The following TWSG1 variants were observed in gnomAD, a reference collection of about 807,000 sequenced individuals.
TWSG1 encodes twisted gastrulation protein homolog 1.
Under a neutral mutation model 23.0 loss-of-function variants are expected in TWSG1, and 15 were observed. That is an observed-to-expected ratio of 0.65 (90% CI 0.44 to 1.00). The LOEUF is 1.00. Among genes scored for constraint, TWSG1 ranks in the 50% least tolerant of loss-of-function variants. TWSG1 has a pLI of 0.00. For missense variants in TWSG1, 242 were observed against 278.7 expected, an observed-to-expected ratio of 0.87 and a Z score of 0.94; for synonymous variants, 86 against 92.8, an observed-to-expected ratio of 0.93 and a Z score of 0.42.
intron 3 of TWSG1, among the ~76,000 whole-genome samples, chr18:9,370,316 A>T (rs534489700): frequency 3.3e-5 from 3 of 89,652 alleles, no homozygotes; most frequent in Non-Finnish European, 7.3e-5. Context: ...GACTCCATCT[A>T]AAAAAAAAAA....
At chr18:9,336,045 G>T (rs1294202947) in intron 1 of TWSG1, among the ~76,000 whole-genome samples, 1 of 151,984 alleles carries the variant, frequency 6.6e-6, no homozygotes, top group Non-Finnish European at 1.5e-5. Context: ...TCTTCTTTTT[G>T]AACTGTAGTA....
intron 3 of TWSG1, among the ~76,000 whole-genome samples, chr18:9,382,511 A>G (rs1232952593): frequency 1.3e-5 from 2 of 151,118 alleles, no homozygotes; most frequent in Admixed American, 1.3e-4. Flanking sequence ...TGACAGAGTG[A>G]GACTCTGTCT....
At position 9,334,865 on chromosome 18, in the gene TWSG1, T is replaced by C. The variant is rs2040413520; in HGVS notation, c.-93T>C. The C allele has an allele frequency of 6.7e-6, 1 of 149,792 alleles. No homozygotes were observed. The highest frequency in any genetic ancestry group is 2.5e-5 in the African/African-American group (1 of 40,136). 9.3% of individuals were successfully genotyped at this position (149,792 alleles called of 1,614,324 possible). A position where few individuals can be genotyped will look rare whatever the true frequency, so the allele number is the denominator to read the frequency against. On this transcript the variant is annotated 5_prime_UTR_variant, in exon 1 of 5. Coordinates refer to ENST00000262120, the MANE Select transcript of TWSG1 (RefSeq NM_020648.6). The surrounding 1 kb of genome is among the most constrained non-coding windows in gnomAD (Gnocchi z 4.7). ...AAAGCCGCCGCAGCGCGCCCCGGGC[T>C]CGGCCGACCCGGCGGGGATCTAGGG...
Position 9,399,389 on chromosome 18 carries a change from A to C in TWSG1, c.534A>C (p.Ile178=), listed in dbSNP as rs1488437052. The C allele has an allele frequency of 1.2e-6, 2 of 1,613,634 alleles. No individual in the cohort carries two copies. Among genetic ancestry groups the C allele is most frequent in the Non-Finnish European group, 1.7e-6 (2 of 1,179,918 alleles). Residue 178 remains isoleucine, a synonymous_variant, in exon 5 of 5, where the codon ATA becomes ATC. Coordinates refer to ENST00000262120, the MANE Select transcript of TWSG1 (RefSeq NM_020648.6). ...TVVYFDDCMS[I]HQCKISCESM... ...TTTATTTTGATGACTGCATGTCCAT[A>C]CATCAGTGTAAAATATCCTGTGAGT...
chr18:9,337,196 C>T lies in TWSG1; in HGVS notation c.-34C>T, dbSNP rs1292992599. The T allele has an allele frequency of 1.9e-6, 3 of 1,604,792 alleles. No homozygotes were observed. The African/African-American group carries it at 4.0e-5, about 21-fold the overall frequency. On this transcript the variant is annotated 5_prime_UTR_variant, in exon 2 of 5. Coordinates refer to ENST00000262120, the MANE Select transcript of TWSG1 (RefSeq NM_020648.6). ...AAAGTTGTGTTTGTTTGTTTAGTTT[C>T]CTGGGAGTTACTGATCATCTTCTTT... is the stretch of plus-strand genomic sequence containing the variant.
chr18:9,360,013 C>A lies in TWSG1; in HGVS notation c.165C>A (p.Cys55Ter). Residue 55 changes from cysteine to a stop codon, truncating the protein, a stop_gained, in exon 3 of 5, where the codon TGC becomes TGA. Coordinates refer to ENST00000262120, the MANE Select transcript of TWSG1 (RefSeq NM_020648.6). LOFTEE classifies it high-confidence loss of function. ...QCRPGEGNCS[C>*]CKECMLCLGA... ...GGCCGGGAGAAGGCAATTGCTCCTG[C>A]TGTAAGGAGTGCATGCTGTGTCTTG... 6.2e-7 allele frequency: 1 copy of A among 1,613,728 alleles called. No homozygotes were observed. The highest frequency in any genetic ancestry group is 8.5e-7 in the Non-Finnish European group (1 of 1,179,734).
intron 3 of TWSG1, among the ~76,000 whole-genome samples, chr18:9,363,015 C>T (rs1167804047): frequency 2.6e-5 from 4 of 152,172 alleles, no homozygotes; most frequent in African/African-American, 4.8e-5. Flanking sequence ...TCTTAACATC[C>T]TTTGCAAACC....
chr18:9,353,993 A>G (rs1253514957), intron 2 of TWSG1, among the ~76,000 whole-genome samples: 2 of 152,260 alleles, frequency 1.3e-5, no homozygotes, highest in African/African-American at 2.4e-5. Context: ...AGTGAAAGAT[A>G]TAATAATGCC....
rs2040721860 is a variant in TWSG1, at chr18:9,393,619, A to ACAGT, written c.224-2658_224-2655dup. On this transcript the variant is annotated intron_variant, in intron 3 of 4. Coordinates refer to ENST00000262120, the MANE Select transcript of TWSG1 (RefSeq NM_020648.6). Reference sequence around the variant, plus strand: ...GTCACCCAGGCTGGAGTGCAGTGGCACAGTCATAGTTCACTGCAACCTTGA... The same window carrying ACAGT: ...GTCACCCAGGCTGGAGTGCAGTGGCACAGTCAGTCATAGTTCACTGCAACCTTGA... Among the ~76,000 whole-genome samples the ACAGT allele has an allele frequency of 3.3e-5, 5 of 152,240 alleles. No individual in the cohort carries two copies. In the South Asian group the frequency reaches 1.0e-3, roughly 32 times the overall value.
chr18:9,349,529 T>C (rs1245642749), intron 2 of TWSG1, among the ~76,000 whole-genome samples: 1 of 152,214 alleles, frequency 6.6e-6, no homozygotes. Flanking sequence ...CTGAAATAAG[T>C]TGGAATTTTA....
intron 3 of TWSG1, among the ~76,000 whole-genome samples, chr18:9,379,422 A>C (rs2040646128): frequency 6.6e-6 from 1 of 152,186 alleles, no homozygotes; most frequent in African/African-American, 2.4e-5. Context: ...TCGCAGAAAC[A>C]GAAAACCAAA....
chr18:9,361,467 A>G (rs2040552045), intron 3 of TWSG1, among the ~76,000 whole-genome samples: 1 of 152,246 alleles, frequency 6.6e-6, no homozygotes, highest in Non-Finnish European at 1.5e-5. Flanking sequence ...ATCCATGGAC[A>G]GGGCATGGAA....
intron 2 of TWSG1, among the ~76,000 whole-genome samples, chr18:9,353,492 TAGAG>T (rs2145601885): frequency 6.6e-6 from 1 of 152,378 alleles, no homozygotes; most frequent in African/African-American, 2.4e-5. Flanking sequence ...TACTGGTCAA[TAGAG>T]AGTAGCTCAA....
intron 3 of TWSG1, among the ~76,000 whole-genome samples, chr18:9,366,045 A>G (rs1407005128): frequency 6.6e-6 from 1 of 152,212 alleles, no homozygotes; most frequent in African/African-American, 2.4e-5. Context: ...GTGCCAATAA[A>G]TAAAACATGG....
chr18:9,386,625 G>A (rs774582397), intron 3 of TWSG1, among the ~76,000 whole-genome samples: 57 of 151,480 alleles, frequency 3.8e-4, no homozygotes, highest in African/African-American at 1.1e-3. Context: ...TCGAATAGTA[G>A]AAGAAAAATT....
Position 9,400,040 on chromosome 18 carries a change from A to G in TWSG1, c.*513A>G, listed in dbSNP as rs1055692967. 6.5e-6 allele frequency: 1 copy of G among 152,692 alleles called. No homozygotes were observed. The highest frequency in any genetic ancestry group is 2.4e-5 in the African/African-American group (1 of 41,470). The allele number at this position is 152,692 out of a possible 1,614,324, so 9.5% of individuals were successfully genotyped here. A position where few individuals can be genotyped will look rare whatever the true frequency, so the allele number is the denominator to read the frequency against. ...CTCTGATAACTCATATAAAAATATC[A>G]TCATAAAAAGCTTAATTTCATCCCT... is the stretch of plus-strand genomic sequence containing the variant. On this transcript the variant is annotated 3_prime_UTR_variant, in exon 5 of 5. Transcript: ENST00000262120.
At chr18:9,338,795 A>G (rs1308006920) in intron 2 of TWSG1, among the ~76,000 whole-genome samples, 1 of 152,220 alleles carries the variant, frequency 6.6e-6, no homozygotes, top group African/African-American at 2.4e-5. Context: ...TATTCACAAT[A>G]AAGTCTCATA....
intron 2 of TWSG1, among the ~76,000 whole-genome samples, chr18:9,354,017 T>G (rs151117144): frequency 0.021 from 3,250 of 152,328 alleles, 51 homozygotes; most frequent in Non-Finnish European, 0.032. Flanking sequence ...GATTAAACAA[T>G]CTAAAGAATT....
At chr18:9,388,080 A>G (rs1465694532) in intron 3 of TWSG1, 1 of 152,230 alleles carries the variant, frequency 6.6e-6, no homozygotes, top group Admixed American at 6.5e-5. Flanking sequence ...CTTGACAATG[A>G]AGGAACTGTA....
Sources: allele counts gnomAD v4.1 joint callset (sites outside exome capture counted in the v4.1 genomes callset), GRCh38; gene constraint gnomAD v4.1.1; non-coding constraint Gnocchi (gnomAD v3.1); transcripts MANE v1.5; gene names NCBI Gene and HGNC (gene_info 2026-07-23, HGNC 2026-07-21).